The following BRD10 variants were observed in gnomAD, a reference collection of about 807,000 sequenced individuals.
The protein encoded by BRD10 is bromodomain containing 10.
chr9:5,971,438 T>A, the BRD10 span, among the ~76,000 whole-genome samples: 2 of 152,186 alleles, frequency 1.3e-5, no homozygotes, highest in Non-Finnish European at 2.9e-5. Flanking sequence ...AGCAGTATTA[T>A]TTACAAGAGC....
the BRD10 span, among the ~76,000 whole-genome samples, chr9:5,984,655 T>C: frequency 6.6e-6 from 1 of 152,054 alleles, no homozygotes; most frequent in Non-Finnish European, 1.5e-5. Flanking sequence ...AGACAAAAGG[T>C]TACTGTACTA....
chr9:5,975,206 T>TAC, the BRD10 span, among the ~76,000 whole-genome samples: 4 of 150,324 alleles, frequency 2.7e-5, no homozygotes, highest in African/African-American at 9.8e-5. Context: ...GAGGCTGAGG[T>TAC]GGGTGGATCA....
chr9:5,883,684 C>A, the BRD10 span, among the ~76,000 whole-genome samples: 2 of 152,046 alleles, frequency 1.3e-5, no homozygotes, highest in African/African-American at 2.4e-5. Context: ...GCAGCCCAGG[C>A]TGGTCTTGAA....
At chr9:5,905,546 C>T in the BRD10 span, among the ~76,000 whole-genome samples, 2 of 152,130 alleles carry the variant, frequency 1.3e-5, no homozygotes, top group African/African-American at 2.4e-5. Flanking sequence ...GTATACTTTC[C>T]AAACTGACTC....
At chr9:5,929,212 C>T in the BRD10 span, 1 of 932,122 alleles carries the variant, frequency 1.1e-6, no homozygotes, top group Non-Finnish European at 1.7e-6. Context: ...AAGTAAATGT[C>T]AAAACTTATT....
chr9:5,919,624 A>T, the BRD10 span: 2 of 1,467,018 alleles, frequency 1.4e-6, no homozygotes, highest in Non-Finnish European at 1.8e-6. Flanking sequence ...AACATTGAAA[A>T]TTTTTATGGG....
chr9:5,919,763 G>C, the BRD10 span: 5 of 1,613,684 alleles, frequency 3.1e-6, no homozygotes, highest in South Asian at 2.2e-5. Flanking sequence ...TCGACTGGCA[G>C]ATACAACAAT....
chr9:5,937,555 G>C, the BRD10 span, among the ~76,000 whole-genome samples: 4 of 152,228 alleles, frequency 2.6e-5, no homozygotes, highest in East Asian at 7.7e-4. Context: ...AAAATAAAAA[G>C]AAAAAGAAAC....
chr9:5,951,603 C>G, the BRD10 span, among the ~76,000 whole-genome samples: 9 of 152,148 alleles, frequency 5.9e-5, no homozygotes, highest in Non-Finnish European at 1.3e-4. Context: ...TTTACAGAAT[C>G]TGAGGTGCTA....
the BRD10 span, among the ~76,000 whole-genome samples, chr9:5,973,069 G>T: frequency 2.6e-5 from 4 of 151,746 alleles, no homozygotes; most frequent in African/African-American, 9.7e-5. Context: ...AAAGATAGGG[G>T]AAAAAAAAGT....
chr9:5,981,745 T>A, the BRD10 span, among the ~76,000 whole-genome samples: 2 of 152,152 alleles, frequency 1.3e-5, no homozygotes, highest in African/African-American at 4.8e-5. Context: ...CTTCAAAACG[T>A]CCATCTCTTC....
chr9:5,979,931 CTTG>C, the BRD10 span, among the ~76,000 whole-genome samples: 2 of 148,436 alleles, frequency 1.3e-5, no homozygotes, highest in South Asian at 2.1e-4. Context: ...GGGAGAATCA[CTTG>C]AACCTGGGAG....
At chr9:5,923,341 T>C in the BRD10 span, 11 of 1,492,678 alleles carry the variant, frequency 7.4e-6, no homozygotes, top group South Asian at 2.5e-5. Context: ...ATTTTGTTTA[T>C]ATAAAACAGC....
At chr9:5,919,249 A>G in the BRD10 span, 1 of 150,154 alleles carries the variant, frequency 6.7e-6, no homozygotes, top group Admixed American at 6.6e-5. Context: ...ATATATATGT[A>G]TTTTTTTTTT....
the BRD10 span, among the ~76,000 whole-genome samples, chr9:5,916,263 ATC>A: frequency 6.6e-6 from 1 of 152,168 alleles, no homozygotes; most frequent in Non-Finnish European, 1.5e-5. Flanking sequence ...AATTTCTTAG[ATC>A]TCTTTCAGAA....
At chr9:5,886,420 CGTG>C in the BRD10 span, among the ~76,000 whole-genome samples, 1 of 152,224 alleles carries the variant, frequency 6.6e-6, no homozygotes, top group Non-Finnish European at 1.5e-5. Flanking sequence ...TTCTGTGCCA[CGTG>C]CTGTACCAAG....
the BRD10 span, among the ~76,000 whole-genome samples, chr9:5,883,023 G>GAGC: frequency 1.3e-5 from 2 of 152,216 alleles, no homozygotes; most frequent in South Asian, 2.1e-4. Flanking sequence ...GTGGGGGGCT[G>GAGC]GGGGAGGGAT....
chr9:5,896,691 T>C, the BRD10 span, among the ~76,000 whole-genome samples: 3 of 152,362 alleles, frequency 2.0e-5, no homozygotes, highest in Admixed American at 6.5e-5. Flanking sequence ...AGCTAATTGA[T>C]GATGCTTGCC....
At chr9:6,007,457 C>G in the BRD10 span, 1 of 1,608,506 alleles carries the variant, frequency 6.2e-7, no homozygotes, top group East Asian at 2.2e-5. Flanking sequence ...TCCTCCTCCG[C>G]GGTGGCAACG....
Sources: gnomAD v4.1 joint callset for allele counts (sites outside exome capture counted in the v4.1 genomes callset) on GRCh38, gnomAD v4.1.1 for gene constraint, MANE v1.5 for transcripts, NCBI Gene and HGNC (gene_info 2026-07-23, HGNC 2026-07-21) for gene names.